The following ZFAND1 variants were observed in gnomAD, a reference collection of about 807,000 sequenced individuals.
The protein encoded by ZFAND1 is zinc finger AN1-type containing 1, also known as AN1-type zinc finger protein 1.
Under a neutral mutation model 38.5 loss-of-function variants are expected in ZFAND1, and 40 were observed. That is an observed-to-expected ratio of 1.04 (90% CI 0.81 to 1.35). The LOEUF is 1.35. Among genes scored for constraint, ZFAND1 ranks in the 40% most tolerant of loss-of-function variants. The pLI, the probability that ZFAND1 is intolerant of heterozygous loss-of-function variation, is 0.00. For missense variants in ZFAND1, 346 were observed against 316.3 expected (o/e 1.09, Z -0.71); for synonymous variants, 117 against 103.6 (o/e 1.13, Z -0.78).
intron 5 of ZFAND1, chr8:81,714,456 G>A: frequency 3.7e-6 from 1 of 272,334 alleles, no homozygotes; most frequent in South Asian, 5.0e-5. Context: ...CTTATTATCA[G>A]CAGCATTCAC....
intron 6 of ZFAND1, among the ~76,000 whole-genome samples, chr8:81,704,183 A>C (rs2130384884): frequency 6.6e-6 from 1 of 152,188 alleles, no homozygotes; most frequent in South Asian, 2.1e-4. Flanking sequence ...CTTGGAAAGG[A>C]TTTCTCTAGT....
In ZFAND1 at chr8:81,713,918, C is replaced by T. The variant is rs1808218495; in HGVS notation, c.480G>A (p.Gln160=). The change falls in exon 6 of 8, where the codon CAG becomes CAA. Residue 160 remains glutamine (Q), a splice_region_variant and synonymous_variant. Transcript: ENST00000220669. ...MHADGDKSLP[Q]TERIYFQVFL... ...GTTTTAAAAAATCTCTAAGACCAAC[C>T]TGTGGTAATGACTTATCGCCATCAG... 1 of 1,612,870 alleles carries T rather than the reference C, an allele frequency of 6.2e-7. No homozygotes were observed. The highest frequency in any genetic ancestry group is 8.5e-7 in the Non-Finnish European group (1 of 1,179,674).
At chr8:81,707,363 C>T (rs1163008059) in intron 6 of ZFAND1, among the ~76,000 whole-genome samples, 1 of 152,216 alleles carries the variant, frequency 6.6e-6, no homozygotes, top group African/African-American at 2.4e-5. Flanking sequence ...TCATCACATC[C>T]TTGTGGGAAA....
At chr8:81,716,756 T>C (rs1252035870) in intron 3 of ZFAND1, among the ~76,000 whole-genome samples, 6 of 152,218 alleles carry the variant, frequency 3.9e-5, no homozygotes, top group Non-Finnish European at 7.3e-5. Flanking sequence ...GAGACCAGCC[T>C]GGCCAACATG....
In ZFAND1 at chr8:81,706,370, C is replaced by CAAAAAAAAAAAAAAAAAAA. The variant is rs35031788; in HGVS notation, c.481-3265_481-3247dup. Among the ~76,000 whole-genome samples the CAAAAAAAAAAAAAAAAAAA allele has an allele frequency of 1.4e-3, 101 of 72,602 alleles. 2 individuals carry two copies. Among genetic ancestry groups the CAAAAAAAAAAAAAAAAAAA allele is most frequent in the Non-Finnish European group, 1.9e-3 (76 of 40,752 alleles). 47.6% of individuals were successfully genotyped at this position (72,602 alleles called of 152,430 possible). A position where few individuals can be genotyped will look rare whatever the true frequency, so the allele number is the denominator to read the frequency against. ...CAAGTAAGCCCTAAGGAAGGAGAAA[C>CAAAAAAAAAAAAAAAAAAA]AAAAAAAAAAAAAAAAAAAAAAAAG... is the stretch of plus-strand genomic sequence containing the variant. On this transcript the variant is annotated intron_variant, in intron 6 of 7. Transcript: ENST00000220669.
At chr8:81,712,286 C>A (rs1391487202) in intron 6 of ZFAND1, among the ~76,000 whole-genome samples, 1 of 152,212 alleles carries the variant, frequency 6.6e-6, no homozygotes, top group African/African-American at 2.4e-5. Flanking sequence ...ATATCTAATA[C>A]TTGATGAAAC....
intron 2 of ZFAND1, 71 bp from the exon 3 acceptor site, chr8:81,717,359 T>A: frequency 5.0e-6 from 6 of 1,201,716 alleles, no homozygotes; most frequent in Non-Finnish European, 6.8e-6. Context: ...TGCGATATTT[T>A]AATGTTCAGT....
chr8:81,721,211 G>A lies in ZFAND1; in HGVS notation c.55+16C>T. On this transcript the variant is annotated intron_variant, in intron 1 of 7. Coordinates refer to ENST00000220669, the MANE Select transcript of ZFAND1 (RefSeq NM_024699.3). ...CTCCCGCGGCCGGGGATGGGGGCTG[G>A]AAGCTCCCGGATCACCTCGCTGCCG... 6.5e-7 allele frequency: 1 copy of A among 1,547,110 alleles called. No homozygotes were observed.
chr8:81,713,781 G>T, intron 6 of ZFAND1, 137 bp downstream of exon 6: 2 of 780,636 alleles, frequency 2.6e-6, no homozygotes, highest in Non-Finnish European at 2.0e-6. Flanking sequence ...TATTATTTAT[G>T]CAGACATATA....
At position 81,702,818 on chromosome 8, in the gene ZFAND1, A is replaced by AAT; in HGVS notation, c.683_684insAT (p.Asp228GlufsTer22). On this transcript the variant is annotated frameshift_variant, in exon 8 of 8. Coordinates refer to ENST00000220669, the MANE Select transcript of ZFAND1 (RefSeq NM_024699.3). LOFTEE classifies it high-confidence loss of function. ...TAGCAATCCAGGTTTCCAAAGTATG[A>AAT]TCCAAGGGTAAGGCTTCTCCTGAAG... 6.2e-7 allele frequency: 1 copy of AAT among 1,608,242 alleles called. No homozygotes were observed. The highest frequency in any genetic ancestry group is 1.3e-5 in the African/African-American group (1 of 74,854).
chr8:81,705,990 A>C (rs1807968607), intron 6 of ZFAND1, among the ~76,000 whole-genome samples: 1 of 152,228 alleles, frequency 6.6e-6, no homozygotes, highest in Admixed American at 6.5e-5. Flanking sequence ...GAAATGGTGA[A>C]GTAGCACTAT....
At chr8:81,704,425 C>T (rs1386037502) in intron 6 of ZFAND1, among the ~76,000 whole-genome samples, 1 of 151,244 alleles carries the variant, frequency 6.6e-6, no homozygotes, top group Non-Finnish European at 1.5e-5. Context: ...GTAGTCCCAG[C>T]TACTTTGGAG....
At chr8:81,710,039 T>C (rs1187941099) in intron 6 of ZFAND1, among the ~76,000 whole-genome samples, 1 of 152,238 alleles carries the variant, frequency 6.6e-6, no homozygotes, top group Non-Finnish European at 1.5e-5. Flanking sequence ...ACTTTGTCCC[T>C]ATTTACATTT....
chr8:81,704,587 G>T (rs966651287), intron 6 of ZFAND1, among the ~76,000 whole-genome samples: 1 of 150,052 alleles, frequency 6.7e-6, no homozygotes, highest in South Asian at 2.1e-4. Context: ...GGAGCAAAAG[G>T]CTTGGCCTTT....
intron 6 of ZFAND1, among the ~76,000 whole-genome samples, chr8:81,711,841 T>C (rs1808148296): frequency 6.6e-6 from 1 of 152,138 alleles, no homozygotes; most frequent in Admixed American, 6.6e-5. Flanking sequence ...AAGTAACACA[T>C]TGGAATAGTA....
rs551910585 is a variant in ZFAND1 at position 81,714,483 on chromosome 8, C to T, written c.358+321G>A. The T allele has an allele frequency of 2.9e-5, 9 of 305,434 alleles. No individual in the cohort carries two copies. The Admixed American group carries it at 4.2e-4, about 14-fold the overall frequency. The allele number at this position is 305,434 out of a possible 1,614,324, so 18.9% of individuals were successfully genotyped here. A position where few individuals can be genotyped will look rare whatever the true frequency, so the allele number is the denominator to read the frequency against. ...AGCATTCACAGAACAGCTGACTAGG[C>T]TTAGAGTTTAATCTGTAGAGAAAGC... On this transcript the variant is annotated intron_variant, in intron 5 of 7. Coordinates refer to ENST00000220669, the MANE Select transcript of ZFAND1 (RefSeq NM_024699.3).
At chr8:81,714,161 A>T in intron 5 of ZFAND1, 122 bp from the exon 6 acceptor site, 3 of 903,078 alleles carry the variant, frequency 3.3e-6, no homozygotes, top group Non-Finnish European at 1.6e-6. Context: ...AGATATACAG[A>T]GACCACATTC....
Position 81,713,951 on chromosome 8 carries a change from C to T in ZFAND1, c.447G>A (p.Lys149=). 1 of 1,612,716 alleles carries T rather than the reference C, an allele frequency of 6.2e-7. No individual in the cohort carries two copies. Among genetic ancestry groups the T allele is most frequent in the Non-Finnish European group, 8.5e-7 (1 of 1,179,654 alleles). The change falls in exon 6 of 8, where the codon AAG becomes AAA. Residue 149 remains lysine (K), a synonymous_variant. Transcript: ENST00000220669. ...ATGACTTATCGCCATCAGCATGCAT[C>T]TTTAATTTCATCAATGCAACCTTTG... ...TAAKVALMKL[K]MHADGDKSLP...
In ZFAND1 at chr8:81,714,896, C is replaced by G. The variant is rs1808255312; in HGVS notation, c.267-1G>C. 6.2e-7 allele frequency: 1 copy of G among 1,614,014 alleles called. No individual in the cohort carries two copies. Among genetic ancestry groups the G allele is most frequent in the Non-Finnish European group, 8.5e-7 (1 of 1,179,938 alleles). On this transcript the variant is annotated splice_acceptor_variant, in intron 4 of 7. Coordinates refer to ENST00000220669, the MANE Select transcript of ZFAND1 (RefSeq NM_024699.3). LOFTEE classifies it high-confidence loss of function. ...CTCATGATCTGACTGATGACGGTGT[C>G]TATGAGCAACAGAAGAGTGACACTA...
Sources: gnomAD v4.1 joint callset for allele counts (sites outside exome capture counted in the v4.1 genomes callset) on GRCh38, gnomAD v4.1.1 for gene constraint, MANE v1.5 for transcripts, NCBI Gene and HGNC (gene_info 2026-07-23, HGNC 2026-07-21) for gene names.